The following HS3ST4 variants were observed in gnomAD, a reference collection of about 807,000 sequenced individuals.
HS3ST4 encodes the protein heparan sulfate glucosamine 3-O-sulfotransferase 4.
HS3ST4 carries 17 observed loss-of-function variants against 29.2 expected under a neutral mutation model. The ratio of observed to expected loss-of-function variants is 0.58; its 90% CI spans 0.40 to 0.87. The LOEUF is 0.87. Among genes scored for constraint, HS3ST4 ranks in the 40% least tolerant of loss-of-function variants. The probability of loss-of-function intolerance (pLI) is 0.00; values close to 1 mark genes in which losing one functional copy is unlikely to be tolerated. For missense variants in HS3ST4, 627 were observed against 634.5 expected (o/e 0.99, Z 0.13); for synonymous variants, 314 against 285.7 (o/e 1.10, Z -1.00).
chr16:25,963,661 T>A (rs1370026802), intron 1 of HS3ST4, among the ~76,000 whole-genome samples: 1 of 152,246 alleles, frequency 6.6e-6, no homozygotes, highest in Middle Eastern at 3.2e-3. Context: ...TAATTTAGTC[T>A]TGTAATGTTG....
chr16:25,872,485 T>C (rs1251617840), intron 1 of HS3ST4, among the ~76,000 whole-genome samples: 1 of 152,204 alleles, frequency 6.6e-6, no homozygotes, highest in Non-Finnish European at 1.5e-5. Flanking sequence ...GAGCAGGGGC[T>C]TCTGTTCTAG....
At chr16:25,815,960 A>G (rs745719925) in intron 1 of HS3ST4, among the ~76,000 whole-genome samples, 48 of 152,334 alleles carry the variant, frequency 3.2e-4, no homozygotes, top group Non-Finnish European at 5.1e-4. Flanking sequence ...AATGAAATTC[A>G]TAGATAACAT....
chr16:25,776,282 T>G (rs1319917473), intron 1 of HS3ST4, among the ~76,000 whole-genome samples: 1 of 152,194 alleles, frequency 6.6e-6, no homozygotes, highest in African/African-American at 2.4e-5. Flanking sequence ...AAAGTCAACC[T>G]GGGAACTGCT....
Position 26,093,649 on chromosome 16 carries a change from A to G in HS3ST4, c.735-41963A>G, listed in dbSNP as rs147680314. ...ACCAAAGGTAGATAAAACCACAAAG[A>G]TTGGGAGAAACCACAGCAGAAAAGC... is the stretch of plus-strand genomic sequence containing the variant. On this transcript the variant is annotated intron_variant, in intron 1 of 1. Coordinates refer to ENST00000331351, the MANE Select transcript of HS3ST4 (RefSeq NM_006040.3). 3.3e-3 allele frequency among the ~76,000 whole-genome samples: 508 copies of G among 152,344 alleles called. 5 individuals carry two copies. Among genetic ancestry groups the G allele is most frequent in the African/African-American group, 0.012 (485 of 41,584 alleles).
chr16:25,774,909 C>T (rs976186832), intron 1 of HS3ST4, among the ~76,000 whole-genome samples: 1 of 152,208 alleles, frequency 6.6e-6, no homozygotes, highest in African/African-American at 2.4e-5. Flanking sequence ...ATGCAGACAC[C>T]TTTGCTTCAT....
chr16:25,999,905 AT>A (rs1212169070), intron 1 of HS3ST4, among the ~76,000 whole-genome samples: 1 of 118,512 alleles, frequency 8.4e-6, no homozygotes, highest in Non-Finnish European at 1.8e-5. Context: ...TTTTATATAT[AT>A]ATATATATCT....
chr16:25,898,049 A>T (rs757839299), intron 1 of HS3ST4, among the ~76,000 whole-genome samples: 32 of 152,218 alleles, frequency 2.1e-4, no homozygotes, highest in Non-Finnish European at 4.1e-4. Context: ...CCTGGGACTC[A>T]GACAGCTTCA....
chr16:26,069,076 A>G (rs1283526943), intron 1 of HS3ST4, among the ~76,000 whole-genome samples: 1 of 152,100 alleles, frequency 6.6e-6, no homozygotes, highest in East Asian at 1.9e-4. Context: ...TTCAGCCTCC[A>G]GGATAGCTGG....
intron 1 of HS3ST4, among the ~76,000 whole-genome samples, chr16:25,774,858 C>T (rs1966846150): frequency 6.6e-6 from 1 of 152,202 alleles, no homozygotes; most frequent in South Asian, 2.1e-4. Context: ...ATGCACTCTT[C>T]ACCCACTGTC....
In HS3ST4 at chr16:25,692,939, G is replaced by T; in HGVS notation, c.522G>T (p.Arg174=). 2.5e-6 allele frequency: 4 copies of T among 1,608,722 alleles called. No homozygotes were observed. The highest frequency in any genetic ancestry group is 3.4e-6 in the Non-Finnish European group (4 of 1,178,276). The change falls in exon 1 of 2, where the codon CGG becomes CGT. Residue 174 remains arginine, a synonymous_variant. Transcript: ENST00000331351. ...CCACCGACGAGGATCTCGCAGGCCGGAGAGCGGCCAACGGGAGCAGCGAGA... is the reference window on the plus strand; with the variant it reads ...CCACCGACGAGGATCTCGCAGGCCGTAGAGCGGCCAACGGGAGCAGCGAGA... The part of the protein sequence containing the change: ...SSTTDEDLAG[R]RAANGSSERG...
chr16:25,875,691 T>C (rs1967823778), intron 1 of HS3ST4, among the ~76,000 whole-genome samples: 1 of 152,158 alleles, frequency 6.6e-6, no homozygotes, highest in African/African-American at 2.4e-5. Flanking sequence ...AGGAAAGATC[T>C]GGAGTCCAGA....
At chr16:25,878,308 G>C (rs907404401) in intron 1 of HS3ST4, among the ~76,000 whole-genome samples, 6 of 152,100 alleles carry the variant, frequency 3.9e-5, no homozygotes, top group Non-Finnish European at 8.8e-5. Flanking sequence ...AGGTCTTCCA[G>C]TGACCCCCAG....
At chr16:26,082,627 T>C (rs1346568974) in intron 1 of HS3ST4, among the ~76,000 whole-genome samples, 18 of 152,214 alleles carry the variant, frequency 1.2e-4, no homozygotes. Context: ...TTAGGCGTGG[T>C]CATGTGACTT....
At chr16:25,995,571 A>G (rs2141730755) in intron 1 of HS3ST4, among the ~76,000 whole-genome samples, 1 of 152,314 alleles carries the variant, frequency 6.6e-6, no homozygotes, top group East Asian at 1.9e-4. Context: ...TGAACCAACC[A>G]GGAGATGAAA....
At chr16:26,123,046 T>G (rs1899296753) in intron 1 of HS3ST4, among the ~76,000 whole-genome samples, 1 of 146,010 alleles carries the variant, frequency 6.8e-6, no homozygotes, top group Non-Finnish European at 1.5e-5. Flanking sequence ...AGAGTGAGAC[T>G]CTGTCTCAAA....
intron 1 of HS3ST4, among the ~76,000 whole-genome samples, chr16:25,879,562 C>A (rs1967872148): frequency 6.6e-6 from 1 of 151,924 alleles, no homozygotes; most frequent in Non-Finnish European, 1.5e-5. Flanking sequence ...ATGGGAAAGA[C>A]CCACCCCCAT....
chr16:25,997,852 A>G (rs1458036772), intron 1 of HS3ST4, among the ~76,000 whole-genome samples: 1 of 152,158 alleles, frequency 6.6e-6, no homozygotes, highest in Non-Finnish European at 1.5e-5. Context: ...ATTATTCCCT[A>G]AAGAATAGGG....
At chr16:26,049,097 G>A (rs1898304862) in intron 1 of HS3ST4, among the ~76,000 whole-genome samples, 1 of 151,726 alleles carries the variant, frequency 6.6e-6, no homozygotes, top group Non-Finnish European at 1.5e-5. Flanking sequence ...ATGATTCTGG[G>A]CTTCTGCTTG....
chr16:25,794,486 A>C (rs73513306), intron 1 of HS3ST4, among the ~76,000 whole-genome samples: 3,907 of 151,738 alleles, frequency 0.026, 175 homozygotes, highest in African/African-American at 0.088. Context: ...CTAGCGAAAA[A>C]TGTTTTCTCT....
Sources: allele counts gnomAD v4.1 joint callset (sites outside exome capture counted in the v4.1 genomes callset), GRCh38; gene constraint gnomAD v4.1.1; transcripts MANE v1.5; gene names NCBI Gene and HGNC (gene_info 2026-07-23, HGNC 2026-07-21).